Variants in SH2D4A observed in about 807,000 individuals in gnomAD.
The protein encoded by SH2D4A is SH2 domain-containing protein 4A.
In SH2D4A, 70 loss-of-function variants were observed where a neutral mutation model predicts 64.7. That is an observed-to-expected ratio of 1.08 (90% CI 0.89 to 1.32). The LOEUF (loss-of-function observed/expected upper bound fraction) is 1.32, where lower values mean the gene tolerates loss of function less well. Ranked by LOEUF, SH2D4A falls within the 40% of genes most tolerant of loss-of-function variation. The pLI is 0.00. For synonymous variants in SH2D4A, 268 were observed against 200.7 expected (o/e 1.34, Z -2.83); for missense variants, 706 against 540.1 (o/e 1.31, Z -3.04).
intron 4 of SH2D4A, among the ~76,000 whole-genome samples, chr8:19,354,814 A>G (rs191374081): frequency 3.0e-4 from 45 of 152,320 alleles, no homozygotes; most frequent in Non-Finnish European, 2.5e-4. Context: ...TTTTGAATAC[A>G]TGGATTAGAA....
At position 19,394,767 on chromosome 8, in the gene SH2D4A, A is replaced by C. The variant is rs570020531; in HGVS notation, c.*125A>C. On this transcript the variant is annotated 3_prime_UTR_variant, in exon 10 of 10. Coordinates refer to ENST00000265807, the MANE Select transcript of SH2D4A (RefSeq NM_022071.4). ...GAGCCAATACTGATCAACTGAAAGT[A>C]AAGTATCCATGGAGTCCTCATTGAC... The C allele has an allele frequency of 6.8e-5, 28 of 413,644 alleles. No homozygotes were observed. The South Asian group carries it at 1.1e-3, about 17-fold the overall frequency. 25.6% of individuals were successfully genotyped at this position (413,644 alleles called of 1,614,324 possible). A position where few individuals can be genotyped will look rare whatever the true frequency, so the allele number is the denominator to read the frequency against.
chr8:19,331,713 T>TA (rs2052367475), intron 2 of SH2D4A, among the ~76,000 whole-genome samples: 1 of 152,192 alleles, frequency 6.6e-6, no homozygotes, highest in Admixed American at 6.5e-5. Flanking sequence ...GAACTCCTGT[T>TA]ATGTGGCAGG....
At position 19,373,465 on chromosome 8, in the gene SH2D4A, T is replaced by A. The variant is rs186655642; in HGVS notation, c.918-65T>A. On this transcript the variant is annotated intron_variant, in intron 7 of 9. Coordinates refer to ENST00000265807, the MANE Select transcript of SH2D4A (RefSeq NM_022071.4). ...GTGTGTATATATATATATATATATA[T>A]GACTTTTGAGGGCATTATTTTCAAA... The A allele has an allele frequency of 4.5e-6, 5 of 1,121,234 alleles. No individual in the cohort carries two copies. In the Admixed American group the frequency reaches 1.4e-4, roughly 30 times the overall value. 69.5% of individuals were successfully genotyped at this position (1,121,234 alleles called of 1,614,324 possible).
At chr8:19,330,275 T>C (rs2052349253) in intron 2 of SH2D4A, among the ~76,000 whole-genome samples, 1 of 152,192 alleles carries the variant, frequency 6.6e-6, no homozygotes, top group Non-Finnish European at 1.5e-5. Flanking sequence ...AGGGAGTTCA[T>C]GGAACCACTT....
At chr8:19,318,995 T>C (rs982245147) in intron 1 of SH2D4A, among the ~76,000 whole-genome samples, 2 of 152,148 alleles carry the variant, frequency 1.3e-5, no homozygotes, top group Non-Finnish European at 2.9e-5. Context: ...TTTTTTTTCT[T>C]TCTTTTTTCA....
chr8:19,325,006 A>G (rs563469044), intron 2 of SH2D4A, among the ~76,000 whole-genome samples: 1 of 152,198 alleles, frequency 6.6e-6, no homozygotes, highest in Admixed American at 6.5e-5. Flanking sequence ...TTGCCTGGTG[A>G]GCACCTCCGT....
rs1231326142 is a variant in SH2D4A at position 19,395,068 on chromosome 8, T to C, written c.*426T>C. 1.3e-5 allele frequency: 2 copies of C among 152,714 alleles called. No homozygotes were observed. Among genetic ancestry groups the C allele is most frequent in the African/African-American group, 4.8e-5 (2 of 41,470 alleles). 9.5% of individuals were successfully genotyped at this position (152,714 alleles called of 1,614,324 possible). A position where few individuals can be genotyped will look rare whatever the true frequency, so the allele number is the denominator to read the frequency against. The stretch of plus-strand genomic sequence containing the variant: ...AAGTTTCGAAGTTTCATGTTGGCTT[T>C]GGAATGGTAGCAAAAGCCTTTCCTG... On this transcript the variant is annotated 3_prime_UTR_variant, in exon 10 of 10. Coordinates refer to ENST00000265807, the MANE Select transcript of SH2D4A (RefSeq NM_022071.4).
chr8:19,392,972 A>T (rs1585219733), intron 8 of SH2D4A, among the ~76,000 whole-genome samples: 1 of 151,032 alleles, frequency 6.6e-6, no homozygotes, highest in African/African-American at 2.4e-5. Flanking sequence ...CGATCTCCTG[A>T]CCTCGTGATC....
At chr8:19,361,151 T>A in intron 5 of SH2D4A, 52 bp from the exon 6 acceptor site, 1 of 1,108,772 alleles carries the variant, frequency 9.0e-7, no homozygotes, top group Non-Finnish European at 1.3e-6. Flanking sequence ...TCACCAAGGT[T>A]CTTTTTTTGT....
At chr8:19,381,000 G>A (rs35738038) in intron 8 of SH2D4A, among the ~76,000 whole-genome samples, 19,747 of 151,244 alleles carry the variant, frequency 0.13, 1,376 homozygotes, top group Middle Eastern at 0.18. Flanking sequence ...AACATGGGAT[G>A]TGTTTTTATT....
At chr8:19,383,633 T>G (rs1171074194) in intron 8 of SH2D4A, among the ~76,000 whole-genome samples, 1 of 152,186 alleles carries the variant, frequency 6.6e-6, no homozygotes, top group Non-Finnish European at 1.5e-5. Flanking sequence ...GAAGGTTTAC[T>G]ATTTTTTTTT....
intron 7 of SH2D4A, among the ~76,000 whole-genome samples, chr8:19,372,540 G>A (rs1217258939): frequency 6.6e-6 from 1 of 152,194 alleles, no homozygotes; most frequent in Non-Finnish European, 1.5e-5. Flanking sequence ...AGTGGCTGGA[G>A]AGCACATCTC....
chr8:19,383,859 C>G (rs2053341015), intron 8 of SH2D4A, among the ~76,000 whole-genome samples: 1 of 152,086 alleles, frequency 6.6e-6, no homozygotes, highest in African/African-American at 2.4e-5. Context: ...AATGTAATCA[C>G]TAGATTACCT....
At chr8:19,357,858 C>A (rs1438128205) in intron 5 of SH2D4A, among the ~76,000 whole-genome samples, 1 of 152,120 alleles carries the variant, frequency 6.6e-6, no homozygotes, top group Non-Finnish European at 1.5e-5. Flanking sequence ...TACTTGGAAG[C>A]TGTAGTAGGA....
At chr8:19,380,131 A>G (rs2053268023) in intron 8 of SH2D4A, among the ~76,000 whole-genome samples, 1 of 152,086 alleles carries the variant, frequency 6.6e-6, no homozygotes, top group African/African-American at 2.4e-5. Flanking sequence ...AATGACTAGT[A>G]ATGTTGAGCA....
At chr8:19,389,543 G>A (rs2053450613) in intron 8 of SH2D4A, among the ~76,000 whole-genome samples, 2 of 152,146 alleles carry the variant, frequency 1.3e-5, no homozygotes, top group East Asian at 1.9e-4. Flanking sequence ...TTCAGTTCCT[G>A]CTCTGCCCCA....
intron 4 of SH2D4A, among the ~76,000 whole-genome samples, chr8:19,352,930 A>G (rs1386518599): frequency 6.6e-6 from 1 of 152,172 alleles, no homozygotes; most frequent in Non-Finnish European, 1.5e-5. Context: ...GGATCACTTG[A>G]GCCCAGGAAG....
intron 2 of SH2D4A, among the ~76,000 whole-genome samples, chr8:19,319,962 A>G (rs1160370253): frequency 6.6e-6 from 1 of 152,192 alleles, no homozygotes; most frequent in African/African-American, 2.4e-5. Context: ...TTGAAACCAG[A>G]CTAACCTGAA....
At chr8:19,327,041 A>G (rs1404807010) in intron 2 of SH2D4A, among the ~76,000 whole-genome samples, 1 of 152,202 alleles carries the variant, frequency 6.6e-6, no homozygotes, top group Admixed American at 6.5e-5. Flanking sequence ...ATGTTTTTCA[A>G]TACTGCCTAG....
Sources: allele counts gnomAD v4.1 joint callset (sites outside exome capture counted in the v4.1 genomes callset), GRCh38; gene constraint gnomAD v4.1.1; transcripts MANE v1.5; gene names NCBI Gene and HGNC (gene_info 2026-07-23, HGNC 2026-07-21).